PLXNA4: variants seen among roughly 807,000 people sequenced by gnomAD.
PLXNA4 encodes the protein plexin-A4.
In PLXNA4, 44 loss-of-function variants were observed where a neutral mutation model predicts 191.8. That is an observed-to-expected ratio of 0.23 (90% confidence interval 0.18 to 0.29). PLXNA4 has a LOEUF of 0.29. Ranked by LOEUF, PLXNA4 falls within the 10% of genes least tolerant of loss-of-function variation. PLXNA4 has a pLI of 1.00. For synonymous variants in PLXNA4, 1,082 were observed against 1,009.5 expected, an observed-to-expected ratio of 1.07 and a Z score of -1.36; for missense variants, 1,800 against 2,488.8, an observed-to-expected ratio of 0.72 and a Z score of 5.89.
chr7:132,354,186 C>T (rs55898133), intron 3 of PLXNA4, among the ~76,000 whole-genome samples: 4,930 of 132,560 alleles, frequency 0.037, 132 homozygotes, highest in African/African-American at 0.1. Flanking sequence ...ACAGTGTGTG[C>T]GTGTGTGTGT....
intron 2 of PLXNA4, among the ~76,000 whole-genome samples, chr7:132,499,079 C>G (rs1798143708): frequency 6.6e-6 from 1 of 152,216 alleles, no homozygotes; most frequent in Admixed American, 6.5e-5. Flanking sequence ...GGGCATTAAG[C>G]CAAGCACACA....
At chr7:132,482,494 C>A (rs963844054) in intron 3 of PLXNA4, among the ~76,000 whole-genome samples, 2 of 152,076 alleles carry the variant, frequency 1.3e-5, no homozygotes, top group Non-Finnish European at 2.9e-5. Context: ...GACTGCAGCC[C>A]CAGCCAATAC....
chr7:132,148,796 A>G, intron 25 of PLXNA4, 150 bp from the exon 26 acceptor site: 1 of 1,300,566 alleles, frequency 7.7e-7, no homozygotes, highest in Non-Finnish European at 1.0e-6. Flanking sequence ...GGAGTGCCAA[A>G]GCTCTCAACG....
chr7:132,599,022 T>C (rs1802768230), intron 2 of PLXNA4, among the ~76,000 whole-genome samples: 1 of 152,208 alleles, frequency 6.6e-6, no homozygotes, highest in Non-Finnish European at 1.5e-5. Context: ...GTTAATTAAA[T>C]AGTTCATCTT....
intron 1 of PLXNA4, among the ~76,000 whole-genome samples, chr7:132,553,659 A>C (rs995298660): frequency 6.6e-6 from 1 of 152,204 alleles, no homozygotes; most frequent in Non-Finnish European, 1.5e-5. Flanking sequence ...TGGGTCAAGC[A>C]TCATGCTTTC....
At chr7:132,588,038 T>A (rs1802534239) in intron 2 of PLXNA4, among the ~76,000 whole-genome samples, 1 of 152,024 alleles carries the variant, frequency 6.6e-6, no homozygotes, top group Non-Finnish European at 1.5e-5. Context: ...TGGGGGACCC[T>A]TTCCATTTCT....
chr7:132,501,271 C>T lies in PLXNA4; in HGVS notation c.1188+6235G>A, dbSNP rs80187756. 1.1e-3 allele frequency among the ~76,000 whole-genome samples: 166 copies of T among 152,236 alleles called. 1 individual carries two copies. The highest frequency in any genetic ancestry group is 3.9e-3 in the African/African-American group (161 of 41,544). On this transcript the variant is annotated intron_variant, in intron 2 of 31. Transcript: ENST00000321063. Reference sequence around the variant, plus strand: ...AAACAGAGAAAGCAACAGACAGCAACGAGGAGGACAGACATCAAGGACAGA... The same window carrying T: ...AAACAGAGAAAGCAACAGACAGCAATGAGGAGGACAGACATCAAGGACAGA...
At chr7:132,236,218 C>T (rs111430679) in intron 5 of PLXNA4, among the ~76,000 whole-genome samples, 1,593 of 152,256 alleles carry the variant, frequency 0.01, 33 homozygotes, top group African/African-American at 0.036. Flanking sequence ...TTACAGAGGC[C>T]CTGACCTTGC....
intron 3 of PLXNA4, among the ~76,000 whole-genome samples, chr7:132,361,290 G>C (rs547998999): frequency 6.6e-6 from 1 of 152,176 alleles, no homozygotes; most frequent in African/African-American, 2.4e-5. Flanking sequence ...GGCCCACGAT[G>C]CCTTGTGTGT....
At chr7:132,362,315 A>G (rs1803977917) in intron 3 of PLXNA4, among the ~76,000 whole-genome samples, 1 of 152,206 alleles carries the variant, frequency 6.6e-6, no homozygotes, top group Non-Finnish European at 1.5e-5. Context: ...TGAGATAGCA[A>G]TATTCAAATA....
intron 15 of PLXNA4, 107 bp downstream of exon 15, chr7:132,187,363 TG>T: frequency 1.3e-6 from 2 of 1,489,216 alleles, no homozygotes; most frequent in Non-Finnish European, 1.8e-6. Context: ...ACCTGTCAGG[TG>T]GTTACACCCT....
chr7:132,602,012 G>A (rs902142242), intron 2 of PLXNA4, among the ~76,000 whole-genome samples: 1 of 152,098 alleles, frequency 6.6e-6, no homozygotes, highest in Non-Finnish European at 1.5e-5. Flanking sequence ...AATCAATGAG[G>A]CCCAGTCCCA....
chr7:132,601,598 C>G (rs1802821495), intron 2 of PLXNA4, among the ~76,000 whole-genome samples: 1 of 152,190 alleles, frequency 6.6e-6, no homozygotes, highest in Non-Finnish European at 1.5e-5. Flanking sequence ...GAATGGAAGT[C>G]TTACATGACA....
At chr7:132,243,038 A>G (rs1301694155) in intron 4 of PLXNA4, among the ~76,000 whole-genome samples, 1 of 152,226 alleles carries the variant, frequency 6.6e-6, no homozygotes, top group Non-Finnish European at 1.5e-5. Context: ...AATATTTCCC[A>G]AAGCCTAATG....
chr7:132,135,823 C>A (rs987932384), intron 30 of PLXNA4, among the ~76,000 whole-genome samples: 8 of 152,150 alleles, frequency 5.3e-5, no homozygotes, highest in African/African-American at 1.9e-4. Context: ...CAGGTCCTTG[C>A]TGGGTAGCTC....
chr7:132,193,694 T>C (rs1427983374), intron 14 of PLXNA4, among the ~76,000 whole-genome samples: 1 of 152,200 alleles, frequency 6.6e-6, no homozygotes, highest in African/African-American at 2.4e-5. Context: ...TTGCCCACAT[T>C]TACCCAGTTA....
chr7:132,362,025 C>G (rs1278820087), intron 3 of PLXNA4, among the ~76,000 whole-genome samples: 1 of 152,182 alleles, frequency 6.6e-6, no homozygotes, highest in African/African-American at 2.4e-5. Flanking sequence ...AGGCAATCCA[C>G]AAATGAAAAC....
At chr7:132,492,655 G>T (rs1337493034) in intron 2 of PLXNA4, among the ~76,000 whole-genome samples, 1 of 152,166 alleles carries the variant, frequency 6.6e-6, no homozygotes, top group Non-Finnish European at 1.5e-5. Context: ...TGAATCTGGG[G>T]TGATGGGGGA....
At chr7:132,317,643 C>A (rs1452364937) in intron 3 of PLXNA4, among the ~76,000 whole-genome samples, 6 of 152,192 alleles carry the variant, frequency 3.9e-5, no homozygotes, top group African/African-American at 1.4e-4. Context: ...AGCATAGGAT[C>A]CAAAGTCTTC....
Sources: allele counts gnomAD v4.1 joint callset (sites outside exome capture counted in the v4.1 genomes callset), GRCh38; gene constraint gnomAD v4.1.1; transcripts MANE v1.5; gene names NCBI Gene and HGNC (gene_info 2026-07-23, HGNC 2026-07-21).